The following TBL1XR1 variants were observed in gnomAD, a reference collection of about 807,000 sequenced individuals.
TBL1XR1 encodes the protein TBL1X/Y related 1.
Under a neutral mutation model 66.9 loss-of-function variants are expected in TBL1XR1, and 5 were observed. The observed-to-expected ratio is 0.07, with a 90% CI of 0.04 to 0.16. The LOEUF is 0.16. Ranked by LOEUF, TBL1XR1 falls within the 10% of genes least tolerant of loss-of-function variation. TBL1XR1 has a pLI of 1.00. For missense variants in TBL1XR1, 238 were observed against 623.2 expected (o/e 0.38, Z 6.58); for synonymous variants, 210 against 206.0 (o/e 1.02, Z -0.17).
intron 1 of TBL1XR1, chr3:177,164,143 A>T (rs1732546132): frequency 6.6e-6 from 1 of 152,200 alleles, no homozygotes; most frequent in Admixed American, 6.5e-5. Context: ...CAACTAACAT[A>T]ACATTTCAAA....
intron 1 of TBL1XR1, among the ~76,000 whole-genome samples, chr3:177,112,105 A>ATT (rs1437717145): frequency 1.3e-3 from 51 of 40,274 alleles, no homozygotes; most frequent in Non-Finnish European, 1.5e-3. Flanking sequence ...ATATATATAT[A>ATT]TATTTTTTTT....
At chr3:177,142,276 C>G (rs915579521) in intron 1 of TBL1XR1, among the ~76,000 whole-genome samples, 5 of 152,202 alleles carry the variant, frequency 3.3e-5, no homozygotes. Context: ...AGGGCTCCCC[C>G]ATTAGCAGTA....
chr3:177,092,052 G>A (rs774859766), intron 2 of TBL1XR1, among the ~76,000 whole-genome samples: 15 of 152,140 alleles, frequency 9.9e-5, no homozygotes, highest in East Asian at 3.8e-4. Flanking sequence ...TATCTAAAAC[G>A]ATTGGGACTA....
intron 1 of TBL1XR1, among the ~76,000 whole-genome samples, chr3:177,142,737 T>A (rs892965777): frequency 1.4e-4 from 21 of 152,218 alleles, no homozygotes; most frequent in African/African-American, 4.8e-4. Flanking sequence ...TTTACAATAA[T>A]AAATTAGTGG....
intron 1 of TBL1XR1, among the ~76,000 whole-genome samples, chr3:177,151,159 T>C (rs907854710): frequency 2.6e-5 from 4 of 152,194 alleles, no homozygotes; most frequent in Non-Finnish European, 5.9e-5. Flanking sequence ...CAGTGGTATA[T>C]AAAAGCAAAG....
chr3:177,154,123 A>C (rs1252003709), intron 1 of TBL1XR1, among the ~76,000 whole-genome samples: 1 of 152,020 alleles, frequency 6.6e-6, no homozygotes, highest in African/African-American at 2.4e-5. Flanking sequence ...ACAAACAAAA[A>C]TCCAACTATA....
intron 1 of TBL1XR1, among the ~76,000 whole-genome samples, chr3:177,126,370 T>G (rs1243243892): frequency 1.3e-5 from 2 of 152,182 alleles, no homozygotes; most frequent in Non-Finnish European, 2.9e-5. Flanking sequence ...GACCAAAAAA[T>G]GGTAATATTA....
At chr3:177,047,660 T>C in intron 7 of TBL1XR1, 111 bp from the exon 8 acceptor site, 2 of 1,280,196 alleles carry the variant, frequency 1.6e-6, no homozygotes, top group Non-Finnish European at 2.2e-6. Flanking sequence ...AGACATTCTC[T>C]GCTTCAAAAC....
chr3:177,099,716 C>T (rs1026417085), intron 1 of TBL1XR1, among the ~76,000 whole-genome samples: 1 of 152,212 alleles, frequency 6.6e-6, no homozygotes, highest in Non-Finnish European at 1.5e-5. Flanking sequence ...AGGAAATGTT[C>T]TTTACACATC....
intron 14 of TBL1XR1, among the ~76,000 whole-genome samples, chr3:177,030,222 C>T (rs370671266): frequency 4.6e-5 from 7 of 151,416 alleles, no homozygotes; most frequent in African/African-American, 1.7e-4. Flanking sequence ...GATGTTCCAG[C>T]AATGTTGTAC....
chr3:177,180,685 G>A (rs1338958748), intron 1 of TBL1XR1, among the ~76,000 whole-genome samples: 1 of 151,662 alleles, frequency 6.6e-6, no homozygotes, highest in Admixed American at 6.6e-5. Context: ...AATCTACCAA[G>A]ACCCCTCATC....
chr3:177,109,024 T>C (rs1247729830), intron 1 of TBL1XR1, among the ~76,000 whole-genome samples: 2 of 152,220 alleles, frequency 1.3e-5, no homozygotes, highest in Non-Finnish European at 2.9e-5. Context: ...AAATCACTTC[T>C]ATAATAGAGA....
chr3:177,054,650 A>C (rs1237292246), intron 3 of TBL1XR1, among the ~76,000 whole-genome samples: 1 of 152,188 alleles, frequency 6.6e-6, no homozygotes, highest in Non-Finnish European at 1.5e-5. Flanking sequence ...AAAATAATAA[A>C]AATAAATTCA....
intron 1 of TBL1XR1, among the ~76,000 whole-genome samples, chr3:177,146,686 A>G (rs1334343930): frequency 1.3e-5 from 2 of 151,878 alleles, no homozygotes; most frequent in Non-Finnish European, 2.9e-5. Flanking sequence ...ACAGTATCTA[A>G]TAATTTTCCA....
intron 1 of TBL1XR1, among the ~76,000 whole-genome samples, chr3:177,123,241 G>C (rs1034208803): frequency 3.3e-5 from 5 of 152,058 alleles, no homozygotes; most frequent in African/African-American, 1.2e-4. Context: ...ACTAAAAACA[G>C]TATTTACCTT....
At chr3:177,048,794 CTT>C (rs1716658503) in intron 7 of TBL1XR1, among the ~76,000 whole-genome samples, 1 of 152,202 alleles carries the variant, frequency 6.6e-6, no homozygotes, top group African/African-American at 2.4e-5. Flanking sequence ...AAAGCCCACA[CTT>C]TTCAAAACTA....
At position 177,025,392 on chromosome 3, in the gene TBL1XR1, T is replaced by G. The variant is rs1359970222; in HGVS notation, c.*106A>C. 1.7e-6 allele frequency: 2 copies of G among 1,172,260 alleles called. No homozygotes were observed. Among genetic ancestry groups the G allele is most frequent in the Non-Finnish European group, 2.5e-6 (2 of 803,434 alleles). 72.6% of individuals were successfully genotyped at this position (1,172,260 alleles called of 1,614,324 possible). On this transcript the variant is annotated 3_prime_UTR_variant, in exon 16 of 16. Coordinates refer to ENST00000457928, the MANE Select transcript of TBL1XR1 (RefSeq NM_024665.7). ...ATATTTCTTTTAGATTTGGCTGTAG[T>G]GGACTGGCCATGGTTCAAGTGGGAC...
rs189904967 is a variant in TBL1XR1, at chr3:177,134,643, T to C, written c.-121-36102A>G. ...TTAAAGAAATACCCCATTTAGCTGG[T>C]GGTAATTTAAGAGACTCTGTTCCTT... On this transcript the variant is annotated intron_variant, in intron 1 of 15. Transcript: ENST00000457928. Among the ~76,000 whole-genome samples, 286 of 152,240 alleles carry C rather than the reference T, an allele frequency of 1.9e-3. 6 individuals are homozygous for C. Among genetic ancestry groups the C allele is most frequent in the Non-Finnish European group, 2.3e-3 (158 of 68,010 alleles).
At chr3:177,152,872 A>G (rs1230442350) in intron 1 of TBL1XR1, among the ~76,000 whole-genome samples, 1 of 152,112 alleles carries the variant, frequency 6.6e-6, no homozygotes, top group Admixed American at 6.5e-5. Flanking sequence ...TCTGGCTCAC[A>G]TTCCTATTAA....
Sources: gnomAD v4.1 joint callset for allele counts (sites outside exome capture counted in the v4.1 genomes callset) on GRCh38, gnomAD v4.1.1 for gene constraint, MANE v1.5 for transcripts, NCBI Gene and HGNC (gene_info 2026-07-23, HGNC 2026-07-21) for gene names.